Variants in LARGE1 observed in about 807,000 individuals in gnomAD.
The protein encoded by LARGE1 is xylosyl- and glucuronyltransferase LARGE1.
LARGE1 carries 43 observed loss-of-function variants against 87.6 expected under a neutral mutation model. That is an observed-to-expected ratio of 0.49 (90% CI 0.38 to 0.63). The LOEUF (loss-of-function observed/expected upper bound fraction) is 0.63. LARGE1 is among the 30% of genes least tolerant of loss of function. LARGE1 has a pLI of 0.00. For synonymous variants in LARGE1, 434 were observed against 394.6 expected, an observed-to-expected ratio of 1.10 and a Z score of -1.18; for missense variants, 802 against 1,000.2, an observed-to-expected ratio of 0.80 and a Z score of 2.67.
downstream of LARGE1, among the ~76,000 whole-genome samples, chr22:33,270,311 T>TAAA (rs11444755): frequency 6.6e-6 from 1 of 151,628 alleles, no homozygotes; most frequent in Non-Finnish European, 1.5e-5. Flanking sequence ...CCCTTAGGGT[T>TAAA]AAAAAAAATG....
At chr22:33,146,701 C>T in the LARGE1 span, among the ~76,000 whole-genome samples, 2 of 152,180 alleles carry the variant, frequency 1.3e-5, no homozygotes, top group South Asian at 4.1e-4. Flanking sequence ...CTTTATACTA[C>T]TTAGGACTAG....
At chr22:33,569,621 G>C (rs757663435) in intron 5 of LARGE1, among the ~76,000 whole-genome samples, 1 of 152,100 alleles carries the variant, frequency 6.6e-6, no homozygotes, top group Admixed American at 6.6e-5. Context: ...TCTTAGAGAC[G>C]GCATGATATC....
chr22:33,882,832 G>A (rs979011675), intron 1 of LARGE1, among the ~76,000 whole-genome samples: 1 of 152,070 alleles, frequency 6.6e-6, no homozygotes, highest in Non-Finnish European at 1.5e-5. Context: ...TGAACTCCAA[G>A]AGCCCCAAAC....
chr22:33,217,116 A>C (rs1371873087), intron 11 of LARGE1, among the ~76,000 whole-genome samples: 1 of 152,166 alleles, frequency 6.6e-6, no homozygotes, highest in Non-Finnish European at 1.5e-5. Context: ...ATGCAAATGA[A>C]GCTCTCCCAC....
At chr22:33,728,574 A>AC (rs1569410209) in intron 2 of LARGE1, among the ~76,000 whole-genome samples, 11 of 148,848 alleles carry the variant, frequency 7.4e-5, no homozygotes, top group Non-Finnish European at 1.2e-4. Context: ...AAAAAAAAAA[A>AC]AAAAACCAAC....
At chr22:33,233,281 T>A (rs1292094780) in intron 11 of LARGE1, among the ~76,000 whole-genome samples, 1 of 148,688 alleles carries the variant, frequency 6.7e-6, no homozygotes. Flanking sequence ...GTGGTGTTAG[T>A]GATGATGATG....
intron 2 of LARGE1, among the ~76,000 whole-genome samples, chr22:33,678,121 A>C (rs1223914575): frequency 1.3e-5 from 2 of 152,258 alleles, no homozygotes; most frequent in African/African-American, 2.4e-5. Flanking sequence ...TACTCAATTC[A>C]GAAAGAATCT....
At chr22:33,251,720 T>C (rs1255853307) in intron 11 of LARGE1, among the ~76,000 whole-genome samples, 2 of 152,232 alleles carry the variant, frequency 1.3e-5, no homozygotes, top group Non-Finnish European at 2.9e-5. Context: ...TCTATTGCCA[T>C]ATCAGTTTCT....
chr22:33,741,364 C>T (rs1012690145), intron 2 of LARGE1, among the ~76,000 whole-genome samples: 17 of 152,222 alleles, frequency 1.1e-4, no homozygotes, highest in African/African-American at 4.1e-4. Flanking sequence ...GTGCAAAGCA[C>T]AGGAGATGGT....
intron 2 of LARGE1, among the ~76,000 whole-genome samples, chr22:33,756,599 A>G (rs2084522255): frequency 6.6e-6 from 1 of 152,178 alleles, no homozygotes; most frequent in Non-Finnish European, 1.5e-5. Flanking sequence ...AGCAGAGCCC[A>G]CAGAGGGCGA....
At chr22:33,199,288 C>A (rs1306859162) in intron 11 of LARGE1, among the ~76,000 whole-genome samples, 1 of 151,230 alleles carries the variant, frequency 6.6e-6, no homozygotes. Context: ...TTTGCAAATA[C>A]TTTTTCCCTG....
chr22:33,236,518 C>G (rs1000544887), intron 11 of LARGE1, among the ~76,000 whole-genome samples: 21 of 152,154 alleles, frequency 1.4e-4, no homozygotes, highest in African/African-American at 5.1e-4. Context: ...GGAACATGAG[C>G]AAACCAACAT....
intron 11 of LARGE1, among the ~76,000 whole-genome samples, chr22:33,254,934 GA>G (rs1225545995): frequency 2.1e-5 from 3 of 140,566 alleles, no homozygotes; most frequent in African/African-American, 5.8e-5. Context: ...TCTACCTGTA[GA>G]TTTTTTTTTT....
the LARGE1 span, among the ~76,000 whole-genome samples, chr22:33,118,410 T>C: frequency 6.6e-6 from 1 of 150,796 alleles, no homozygotes; most frequent in South Asian, 2.1e-4. Context: ...GAAGATTGCT[T>C]GGGCCTGGGA....
intron 6 of LARGE1, among the ~76,000 whole-genome samples, chr22:33,543,271 T>C (rs1370909462): frequency 6.6e-6 from 1 of 151,542 alleles, no homozygotes; most frequent in Non-Finnish European, 1.5e-5. Flanking sequence ...ATAAGAGCGG[T>C]GGCCAATTTC....
intron 6 of LARGE1, among the ~76,000 whole-genome samples, chr22:33,522,761 G>A (rs889471072): frequency 2.6e-5 from 4 of 151,854 alleles, no homozygotes; most frequent in East Asian, 2.0e-4. Context: ...AACCCAAGAG[G>A]TGGAGGTTGC....
In LARGE1 at chr22:33,439,966, C is replaced by T. The variant is rs73882227; in HGVS notation, c.788-7701G>A. On this transcript the variant is annotated intron_variant, in intron 6 of 14. Coordinates refer to ENST00000397394, the MANE Select transcript of LARGE1 (RefSeq NM_133642.5). ...CAGATTTTATCTATGGAGTGTTTCT[C>T]AAATTCATCCCTTCCCTTGCTCTAC... 6.5e-3 allele frequency among the ~76,000 whole-genome samples: 983 copies of T among 152,286 alleles called. 10 individuals are homozygous for T. The highest frequency in any genetic ancestry group is 0.022 in the African/African-American group (923 of 41,566).
chr22:33,469,342 T>C (rs547533691), intron 6 of LARGE1, among the ~76,000 whole-genome samples: 3 of 152,318 alleles, frequency 2.0e-5, no homozygotes, highest in South Asian at 2.1e-4. Context: ...CATAGAATAC[T>C]ATGCAGTCAT....
At chr22:33,582,200 C>T (rs767180983) in intron 5 of LARGE1, among the ~76,000 whole-genome samples, 2 of 152,066 alleles carry the variant, frequency 1.3e-5, no homozygotes, top group African/African-American at 4.8e-5. Flanking sequence ...ACAGGACAGC[C>T]CCCGCAACAA....
Sources: gnomAD v4.1 joint callset for allele counts (sites outside exome capture counted in the v4.1 genomes callset) on GRCh38, gnomAD v4.1.1 for gene constraint, MANE v1.5 for transcripts, NCBI Gene and HGNC (gene_info 2026-07-23, HGNC 2026-07-21) for gene names.